The following CLRN2 variants were observed in gnomAD, a reference collection of about 807,000 sequenced individuals.
CLRN2 encodes clarin 2, also known as clarin-2.
Under a neutral mutation model 20.1 loss-of-function variants are expected in CLRN2, and 17 were observed. The ratio of observed to expected loss-of-function variants is 0.85; its 90% CI spans 0.58 to 1.27. CLRN2 has a LOEUF of 1.27. Ranked by LOEUF, CLRN2 falls within the 50% of genes most tolerant of loss-of-function variation. CLRN2 has a pLI of 0.00. For synonymous variants in CLRN2, 140 were observed against 126.9 expected, an observed-to-expected ratio of 1.10 and a Z score of -0.70; for missense variants, 288 against 299.5, an observed-to-expected ratio of 0.96 and a Z score of 0.28.
At position 17,521,385 on chromosome 4, in the gene CLRN2, G is replaced by A. The variant is rs574699207; in HGVS notation, c.254-1479G>A. Among the ~76,000 whole-genome samples, 4 of 152,324 alleles carry A rather than the reference G, an allele frequency of 2.6e-5. No individual in the cohort carries two copies. The East Asian group carries it at 7.7e-4, about 29-fold the overall frequency. On this transcript the variant is annotated intron_variant, in intron 1 of 2. Transcript: ENST00000511148. Reference sequence around the variant, plus strand: ...AGACGCCAACCTTCAGTGACTAAGAGAGGCAGGTGAACCAGCAAAGGAACT... The same window carrying A: ...AGACGCCAACCTTCAGTGACTAAGAAAGGCAGGTGAACCAGCAAAGGAACT...
intron 1 of CLRN2, among the ~76,000 whole-genome samples, chr4:17,520,540 G>A (rs1711814262): frequency 6.6e-6 from 1 of 152,200 alleles, no homozygotes; most frequent in Admixed American, 6.5e-5. Flanking sequence ...AAGGTTACAT[G>A]AATTAATATT....
At chr4:17,515,590 C>T in intron 1 of CLRN2, 71 bp downstream of exon 1, 1 of 1,534,224 alleles carries the variant, frequency 6.5e-7, no homozygotes. Flanking sequence ...GTGCTTATGT[C>T]TCATTGTGGA....
chr4:17,522,816 T>C, intron 1 of CLRN2, 48 bp from the exon 2 acceptor site: 1 of 1,580,290 alleles, frequency 6.3e-7, no homozygotes, highest in Non-Finnish European at 8.6e-7. Context: ...TTCATGAAAG[T>C]GAGTCTAACT....
At chr4:17,524,204 A>ATGTGTGTGTGTG (rs10527873) in intron 2 of CLRN2, among the ~76,000 whole-genome samples, 3,220 of 148,584 alleles carry the variant, frequency 0.022, 32 homozygotes, top group Middle Eastern at 0.037. Flanking sequence ...AAACTACAAG[A>ATGTGTGTGTGTG]TGTGTGTGTG....
At chr4:17,517,971 T>C (rs1219275511) in intron 1 of CLRN2, among the ~76,000 whole-genome samples, 1 of 151,908 alleles carries the variant, frequency 6.6e-6, no homozygotes, top group African/African-American at 2.4e-5. Flanking sequence ...CAGTGTAACC[T>C]CGAGGCAGCT....
At chr4:17,518,686 G>C (rs920121369) in intron 1 of CLRN2, among the ~76,000 whole-genome samples, 3 of 152,012 alleles carry the variant, frequency 2.0e-5, no homozygotes, top group Non-Finnish European at 1.5e-5. Context: ...ACTTGAACTT[G>C]GGAGGTGGAG....
In CLRN2 at chr4:17,522,773, C is replaced by G. The variant is rs923207361; in HGVS notation, c.254-91C>G. ...CTTGCTGTCTTGCCCTCACCCCTGTCTGTCGAAGCCTTCGTGGTAAGCAAG... is the reference window on the plus strand; with the variant it reads ...CTTGCTGTCTTGCCCTCACCCCTGTGTGTCGAAGCCTTCGTGGTAAGCAAG... On this transcript the variant is annotated intron_variant, in intron 1 of 2. Transcript: ENST00000511148. The G allele has an allele frequency of 2.2e-6, 3 of 1,392,092 alleles. No homozygotes were observed. The African/African-American group carries it at 4.3e-5, about 20-fold the overall frequency. 86.2% of individuals were successfully genotyped at this position (1,392,092 alleles called of 1,614,324 possible).
Position 17,524,227 on chromosome 4 carries a change from T to C in CLRN2, c.433+1184T>C, listed in dbSNP as rs867137412. On this transcript the variant is annotated intron_variant, in intron 2 of 2. Coordinates refer to ENST00000511148, the MANE Select transcript of CLRN2 (RefSeq NM_001079827.2). ...AGATGTGTGTGTGTGTGTGTGTGTG[T>C]GTGTGTGTGCGCGCGCATGTTGATT... Among the ~76,000 whole-genome samples, 3 of 137,620 alleles carry C rather than the reference T, an allele frequency of 2.2e-5. 1 individual carries two copies. The highest frequency in any genetic ancestry group is 4.8e-4 in the South Asian group (2 of 4,144). 90.3% of individuals were successfully genotyped at this position (137,620 alleles called of 152,430 possible). A position where few individuals can be genotyped will look rare whatever the true frequency, so the allele number is the denominator to read the frequency against.
chr4:17,515,997 CACA>C (rs1385070377), intron 1 of CLRN2, among the ~76,000 whole-genome samples: 2 of 152,196 alleles, frequency 1.3e-5, no homozygotes, highest in Admixed American at 6.5e-5. Context: ...GCCACATGAC[CACA>C]ACAAGTGGGT....
intron 1 of CLRN2, among the ~76,000 whole-genome samples, chr4:17,516,789 C>A (rs958204088): frequency 5.3e-5 from 8 of 152,140 alleles, no homozygotes; most frequent in African/African-American, 1.9e-4. Context: ...ATGGACTACT[C>A]GATTCTGAAC....
intron 2 of CLRN2, 81 bp downstream of exon 2, chr4:17,523,124 A>G: frequency 7.9e-7 from 1 of 1,259,894 alleles, no homozygotes; most frequent in Non-Finnish European, 1.1e-6. Flanking sequence ...GAAGGTGTGA[A>G]GGAACTAAAA....
chr4:17,526,731 A>C (rs1254083958), intron 2 of CLRN2, 86 bp from the exon 3 acceptor site: 3 of 1,532,488 alleles, frequency 2.0e-6, no homozygotes, highest in Non-Finnish European at 1.8e-6. Flanking sequence ...ACCCAAAGCA[A>C]GTTTGTCACA....
intron 1 of CLRN2, among the ~76,000 whole-genome samples, chr4:17,519,586 G>A (rs541171922): frequency 8.1e-5 from 12 of 147,648 alleles, no homozygotes. Flanking sequence ...ACCCCATATA[G>A]GTGGCTGTTG....
intron 1 of CLRN2, among the ~76,000 whole-genome samples, chr4:17,521,977 T>A (rs1711845949): frequency 6.6e-6 from 1 of 152,242 alleles, no homozygotes; most frequent in Non-Finnish European, 1.5e-5. Context: ...AGGACCCATC[T>A]TGAAGGACGG....
intron 1 of CLRN2, 70 bp downstream of exon 1, chr4:17,515,589 T>C: frequency 6.5e-7 from 1 of 1,538,548 alleles, no homozygotes; most frequent in Non-Finnish European, 8.8e-7. Flanking sequence ...AGTGCTTATG[T>C]CTCATTGTGG....
At chr4:17,520,132 T>G (rs1711800386) in intron 1 of CLRN2, among the ~76,000 whole-genome samples, 1 of 152,200 alleles carries the variant, frequency 6.6e-6, no homozygotes, top group African/African-American at 2.4e-5. Flanking sequence ...TGCCAATAAG[T>G]ATTTTTTAAT....
chr4:17,522,773 C>A, intron 1 of CLRN2, 91 bp from the exon 2 acceptor site: 2 of 1,392,210 alleles, frequency 1.4e-6, no homozygotes, highest in Non-Finnish European at 2.0e-6. Flanking sequence ...TCACCCCTGT[C>A]TGTCGAAGCC....
intron 1 of CLRN2, among the ~76,000 whole-genome samples, chr4:17,522,488 G>A (rs541556793): frequency 2.6e-5 from 4 of 152,134 alleles, no homozygotes; most frequent in Non-Finnish European, 5.9e-5. Context: ...TTAATAAAAC[G>A]TTGTGCAACG....
chr4:17,524,130 C>A (rs2597789), intron 2 of CLRN2, among the ~76,000 whole-genome samples: 8,932 of 151,730 alleles, frequency 0.059, 371 homozygotes, highest in African/African-American at 0.11. Context: ...TGATTCTAAG[C>A]TCTTTATTTT....
Sources: allele counts gnomAD v4.1 joint callset (sites outside exome capture counted in the v4.1 genomes callset), GRCh38; gene constraint gnomAD v4.1.1; transcripts MANE v1.5; gene names NCBI Gene and HGNC (gene_info 2026-07-23, HGNC 2026-07-21).